The following PCDHA4 variants were observed in gnomAD, a reference collection of about 807,000 sequenced individuals.
PCDHA4 encodes the protein protocadherin alpha-4.
In PCDHA4, 49 loss-of-function variants were observed where a neutral mutation model predicts 61.4. The observed-to-expected ratio is 0.80, with a 90% confidence interval of 0.63 to 1.01. The LOEUF (loss-of-function observed/expected upper bound fraction) is 1.01, where lower values mean the gene tolerates loss of function less well. Among genes scored for constraint, PCDHA4 ranks in the 50% least tolerant of loss-of-function variants. PCDHA4 has a pLI of 0.00. For synonymous variants in PCDHA4, 590 were observed against 550.3 expected (o/e 1.07, Z -1.01); for missense variants, 1,254 against 1,235.8 (o/e 1.01, Z -0.22).
chr5:140,882,218 G>A, intron 1 of PCDHA4: 5 of 1,545,760 alleles, frequency 3.2e-6, no homozygotes, highest in Non-Finnish European at 4.4e-6. Flanking sequence ...GACAGTTTGA[G>A]GTAAGGCGTT....
chr5:140,876,883 G>T (rs192756440), intron 1 of PCDHA4: 45 of 1,614,016 alleles, frequency 2.8e-5, no homozygotes, highest in Non-Finnish European at 3.6e-5. Context: ...CAACCCGCCG[G>T]GCTGCCACAT....
chr5:140,845,255 G>A (rs1205445149), intron 1 of PCDHA4, among the ~76,000 whole-genome samples: 3 of 149,266 alleles, frequency 2.0e-5, no homozygotes, highest in Non-Finnish European at 4.5e-5. Context: ...TGAATAATAT[G>A]TGTTTTCCTT....
chr5:140,857,331 A>G lies in PCDHA4; in HGVS notation c.2385+47759A>G, dbSNP rs1554149861. 4 of 1,598,402 alleles carry G rather than the reference A, an allele frequency of 2.5e-6. No homozygotes were observed. Among genetic ancestry groups the G allele is most frequent in the African/African-American group, 1.3e-5 (1 of 74,458 alleles). On this transcript the variant is annotated intron_variant, in intron 1 of 3. Coordinates refer to ENST00000530339, the MANE Select transcript of PCDHA4 (RefSeq NM_018907.4). ...TATGAGCTGGTGGTGACCGCGCGGG[A>G]CGGGGGCTCGCCTCCGCTGTGGGCC...
intron 1 of PCDHA4, among the ~76,000 whole-genome samples, chr5:140,957,571 G>C (rs2095367794): frequency 6.6e-6 from 1 of 152,186 alleles, no homozygotes; most frequent in South Asian, 2.1e-4. Context: ...AGGGACTACT[G>C]TACTTTTAAC....
At chr5:140,992,251 A>G (rs1554252780) in intron 3 of PCDHA4, among the ~76,000 whole-genome samples, 1 of 152,198 alleles carries the variant, frequency 6.6e-6, no homozygotes, top group Non-Finnish European at 1.5e-5. Flanking sequence ...AAGTAGAGCT[A>G]AAGATGAAAG....
chr5:140,981,335 AG>A (rs2096927378), intron 2 of PCDHA4, among the ~76,000 whole-genome samples: 3 of 152,168 alleles, frequency 2.0e-5, no homozygotes, highest in Non-Finnish European at 4.4e-5. Context: ...GCACTTTGGG[AG>A]GGTGAGGCAG....
chr5:140,901,546 T>C (rs2068734079), intron 1 of PCDHA4, among the ~76,000 whole-genome samples: 1 of 152,212 alleles, frequency 6.6e-6, no homozygotes, highest in Non-Finnish European at 1.5e-5. Flanking sequence ...TCTATTCTGT[T>C]CCATTCATCT....
rs140356413 is a variant in PCDHA4, at chr5:140,945,687, T to C, written c.2386-33262T>C. On this transcript the variant is annotated intron_variant, in intron 1 of 3. Transcript: ENST00000530339. ...CCCAGAAATAAATCCACACAGTTAC[T>C]GTCCACTGATTTGCAACAAAAGTAT... 6.6e-3 allele frequency among the ~76,000 whole-genome samples: 1,005 copies of C among 152,204 alleles called. 10 individuals carry two copies. The highest frequency in any genetic ancestry group is 0.023 in the African/African-American group (952 of 41,538).
In PCDHA4 at chr5:140,946,611, A is replaced by AATATATATATATAT. The variant is rs1554217734; in HGVS notation, c.2386-32330_2386-32317dup. Among the ~76,000 whole-genome samples the AATATATATATATAT allele has an allele frequency of 6.8e-3, 593 of 86,748 alleles. 22 individuals are homozygous for AATATATATATATAT. Among genetic ancestry groups the AATATATATATATAT allele is most frequent in the African/African-American group, 0.021 (323 of 15,664 alleles). The allele number at this position is 86,748 out of a possible 152,430, so 56.9% of individuals were successfully genotyped here. A position where few individuals can be genotyped will look rare whatever the true frequency, so the allele number is the denominator to read the frequency against. On this transcript the variant is annotated intron_variant, in intron 1 of 3. Coordinates refer to ENST00000530339, the MANE Select transcript of PCDHA4 (RefSeq NM_018907.4). ...GGATGAATAGATAAAGAAAATGTGA[A>AATATATATATATAT]ATATATATATATATATATATACAAT... is the stretch of plus-strand genomic sequence containing the variant.
intron 1 of PCDHA4, chr5:140,812,085 A>G (rs2150028709): frequency 6.7e-6 from 1 of 149,976 alleles, no homozygotes; most frequent in Admixed American, 6.7e-5. Flanking sequence ...GAAAACAATT[A>G]TCATTGATTC....
At chr5:140,905,033 T>C (rs1325621385) in intron 1 of PCDHA4, among the ~76,000 whole-genome samples, 3 of 152,234 alleles carry the variant, frequency 2.0e-5, no homozygotes, top group African/African-American at 7.2e-5. Context: ...AGAAGCTTTT[T>C]AGTTTAATTA....
In PCDHA4 at chr5:140,835,510, A is replaced by C. The variant is rs145294768; in HGVS notation, c.2385+25938A>C. On this transcript the variant is annotated intron_variant, in intron 1 of 3. Transcript: ENST00000530339. Reference sequence around the variant, plus strand: ...GTCATCACATTGATTAGCGTGTTTGACCGAGATTTTGGAGTCAACGGACAG... The same window carrying C: ...GTCATCACATTGATTAGCGTGTTTGCCCGAGATTTTGGAGTCAACGGACAG... The C allele has an allele frequency of 3.4e-5, 55 of 1,613,788 alleles. 1 individual carries two copies. The highest frequency in any genetic ancestry group is 4.6e-5 in the Non-Finnish European group (54 of 1,179,878).
chr5:140,912,222 C>G (rs782160814), intron 1 of PCDHA4, among the ~76,000 whole-genome samples: 2 of 151,926 alleles, frequency 1.3e-5, no homozygotes, highest in Non-Finnish European at 2.9e-5. Flanking sequence ...CTGCCTTTCC[C>G]AGTCCACTGA....
At chr5:140,821,965 C>G in intron 1 of PCDHA4, 2 of 1,614,158 alleles carry the variant, frequency 1.2e-6, no homozygotes, top group East Asian at 4.5e-5. Context: ...GCGCCTGTTC[C>G]GGGTGGCGTC....
chr5:140,928,185 C>T (rs371901224), intron 1 of PCDHA4: 1 of 1,614,064 alleles, frequency 6.2e-7, no homozygotes, highest in Non-Finnish European at 8.5e-7. Flanking sequence ...GAAGGACAAT[C>T]ACTGTGTCAG....
intron 1 of PCDHA4, chr5:140,848,723 G>T (rs2150418763): frequency 6.3e-7 from 1 of 1,592,604 alleles, no homozygotes; most frequent in South Asian, 1.1e-5. Context: ...ACCTTCTGGA[G>T]GTAAATCTGC....
chr5:140,965,174 C>CT (rs1213439654), intron 1 of PCDHA4, among the ~76,000 whole-genome samples: 4 of 152,228 alleles, frequency 2.6e-5, no homozygotes, highest in Non-Finnish European at 2.9e-5. Flanking sequence ...TTAGTGAGTG[C>CT]TTTTTTTGCA....
rs2150111522 is a variant in PCDHA4, at chr5:140,821,876, T to C, written c.2385+12304T>C. 3 of 1,614,184 alleles carry C rather than the reference T, an allele frequency of 1.9e-6. No individual in the cohort carries two copies. In the African/African-American group the frequency reaches 4.0e-5, roughly 22 times the overall value. ...GGGAGCGGCCAGCTCCACTACTCGA[T>C]CCCGGAGGAAGCCAAACACGGAACC... On this transcript the variant is annotated intron_variant, in intron 1 of 3. Coordinates refer to ENST00000530339, the MANE Select transcript of PCDHA4 (RefSeq NM_018907.4).
intron 1 of PCDHA4, chr5:140,857,075 A>G: frequency 6.3e-7 from 1 of 1,597,052 alleles, no homozygotes; most frequent in African/African-American, 1.3e-5. Context: ...ACTGGATGAA[A>G]ATGATAATTC....
Sources: gnomAD v4.1 joint callset for allele counts (sites outside exome capture counted in the v4.1 genomes callset) on GRCh38, gnomAD v4.1.1 for gene constraint, MANE v1.5 for transcripts, NCBI Gene and HGNC (gene_info 2026-07-23, HGNC 2026-07-21) for gene names.